IKZF3: variants seen among roughly 807,000 people sequenced by gnomAD.
The protein encoded by IKZF3 is zinc finger protein Aiolos.
IKZF3 carries 10 observed loss-of-function variants against 49.0 expected under a neutral mutation model. The observed-to-expected ratio is 0.20, with a 90% CI of 0.13 to 0.35. The LOEUF is 0.35. Ranked by LOEUF, IKZF3 falls within the 10% of genes least tolerant of loss-of-function variation. The probability of loss-of-function intolerance (pLI) is 1.00; values close to 1 mark genes in which losing one functional copy is unlikely to be tolerated. For missense variants in IKZF3, 498 were observed against 664.8 expected (o/e 0.75, Z 2.76); for synonymous variants, 209 against 228.2 (o/e 0.92, Z 0.76).
chr17:39,796,542 CTTT>C (rs1224946640), intron 3 of IKZF3, among the ~76,000 whole-genome samples: 11 of 134,996 alleles, frequency 8.1e-5, no homozygotes, highest in Non-Finnish European at 1.3e-4. Context: ...ACATTCCTTT[CTTT>C]TTTTTTTTTT....
At chr17:39,828,156 A>AAGTGTAACC (rs1192517283) in intron 3 of IKZF3, among the ~76,000 whole-genome samples, 12 of 152,216 alleles carry the variant, frequency 7.9e-5, no homozygotes, top group African/African-American at 2.7e-4. Flanking sequence ...TAAAGCAAGA[A>AAGTGTAACC]AGTGTAACCG....
Position 39,847,684 on chromosome 17 carries a change from A to G in IKZF3, c.8-15533T>C, listed in dbSNP as rs139287187. On this transcript the variant is annotated intron_variant, in intron 1 of 7. Transcript: ENST00000346872. ...ATCAAGCACTCAGCCTAATAGTGCA[A>G]TGAGATTTCTTTTTTTCTCATAACA... 1.8e-4 allele frequency among the ~76,000 whole-genome samples: 27 copies of G among 152,298 alleles called. No individual in the cohort carries two copies. In the East Asian group the frequency reaches 4.2e-3, roughly 24 times the overall value.
chr17:39,802,343 A>G (rs1292043891), intron 3 of IKZF3, among the ~76,000 whole-genome samples: 1 of 151,860 alleles, frequency 6.6e-6, no homozygotes, highest in Non-Finnish European at 1.5e-5. Context: ...GCAATAGCTT[A>G]CATCTGTAAC....
Position 39,813,104 on chromosome 17 carries a change from AAAATAAATAAATAAAT to A in IKZF3, c.163+16267_163+16282del, listed in dbSNP as rs142647769. Among the ~76,000 whole-genome samples the A allele has an allele frequency of 1.2e-3, 177 of 143,376 alleles. 3 individuals are homozygous for A. Among genetic ancestry groups the A allele is most frequent in the African/African-American group, 4.4e-3 (168 of 38,598 alleles). 94.1% of individuals were successfully genotyped at this position (143,376 alleles called of 152,430 possible). Reference sequence around the variant, plus strand: ...GCGACAGGGCAAGACTCCATCTCAAAAAATAAATAAATAAATAAATAAATAAATAAATAAAAAGAAT... The same window carrying A: ...GCGACAGGGCAAGACTCCATCTCAAAAAATAAATAAATAAATAAAAAGAAT... On this transcript the variant is annotated intron_variant, in intron 3 of 7. Coordinates refer to ENST00000346872, the MANE Select transcript of IKZF3 (RefSeq NM_012481.5).
rs2062051575 is a variant in IKZF3 at position 39,829,545 on chromosome 17, T to C, written c.62-57A>G. ...TTCAACGTTAAAGGATTTTTATAAATATATATTAAGTAGACCCCCATTTAA... is the reference window on the plus strand; with the variant it reads ...TTCAACGTTAAAGGATTTTTATAAACATATATTAAGTAGACCCCCATTTAA... On this transcript the variant is annotated intron_variant, in intron 2 of 7. Transcript: ENST00000346872. The C allele has an allele frequency of 7.1e-6, 9 of 1,272,712 alleles. No individual in the cohort carries two copies. The South Asian group carries it at 7.3e-5, about 10-fold the overall frequency. 78.8% of individuals were successfully genotyped at this position (1,272,712 alleles called of 1,614,324 possible). A position where few individuals can be genotyped will look rare whatever the true frequency, so the allele number is the denominator to read the frequency against.
At chr17:39,773,101 C>T (rs1411749707) in intron 7 of IKZF3, among the ~76,000 whole-genome samples, 2 of 152,192 alleles carry the variant, frequency 1.3e-5, no homozygotes, top group Non-Finnish European at 2.9e-5. Flanking sequence ...AGGTGTGAGC[C>T]ACTGCACCTG....
In IKZF3 at chr17:39,766,014, T is replaced by C; in HGVS notation, c.1306A>G (p.Arg436Gly). The C allele has an allele frequency of 6.2e-7, 1 of 1,614,220 alleles. No individual in the cohort carries two copies. Among genetic ancestry groups the C allele is most frequent in the South Asian group, 1.1e-5 (1 of 91,088 alleles). Reference sequence around the variant, plus strand: ...TTGTTGATCACTTTGACGGAGTCTCTTGGGCAGATGGGCGGGGGCTTGAGG... The same window carrying C: ...TTGTTGATCACTTTGACGGAGTCTCCTGGGCAGATGGGCGGGGGCTTGAGG... Reference protein sequence around the residue: ...ELLKPPPICPRDSVKVINKEG... With the variant: ...ELLKPPPICPGDSVKVINKEG... Residue 436 changes from arginine to glycine, a missense_variant, in exon 8 of 8, where the codon AGA becomes GGA. By Grantham distance (125) the Arg-to-Gly change is moderately radical. Coordinates refer to ENST00000346872, the MANE Select transcript of IKZF3 (RefSeq NM_012481.5).
intron 5 of IKZF3, 63 bp downstream of exon 5, chr17:39,791,353 T>A: frequency 6.4e-7 from 1 of 1,552,880 alleles, no homozygotes; most frequent in Non-Finnish European, 8.9e-7. Flanking sequence ...CTCTTTCTAG[T>A]TTCCACACTG....
At chr17:39,835,383 C>G (rs1055850017) in intron 1 of IKZF3, 6 of 480,740 alleles carry the variant, frequency 1.2e-5, no homozygotes, top group African/African-American at 1.2e-4. Flanking sequence ...CTTAATGGAC[C>G]GCTCCCCACA....
At chr17:39,811,510 G>A (rs2061561185) in intron 3 of IKZF3, among the ~76,000 whole-genome samples, 1 of 152,172 alleles carries the variant, frequency 6.6e-6, no homozygotes, top group South Asian at 2.1e-4. Flanking sequence ...AGTCTTCTAG[G>A]CAGATCAGTT....
chr17:39,812,326 A>G (rs910512606), intron 3 of IKZF3, among the ~76,000 whole-genome samples: 1 of 152,194 alleles, frequency 6.6e-6, no homozygotes, highest in Non-Finnish European at 1.5e-5. Context: ...CTTTGGGCTG[A>G]CAAATTACAA....
At position 39,759,145 on chromosome 17, in the gene IKZF3, G is replaced by T. The variant is rs1480910051; in HGVS notation, c.*6645C>A. 1.3e-5 allele frequency: 2 copies of T among 152,128 alleles called. No individual in the cohort carries two copies. The highest frequency in any genetic ancestry group is 2.9e-5 in the Non-Finnish European group (2 of 68,042). 9.4% of individuals were successfully genotyped at this position (152,128 alleles called of 1,614,324 possible). A position where few individuals can be genotyped will look rare whatever the true frequency, so the allele number is the denominator to read the frequency against. ...TAAGAAGAAACTCAGGCCAGCCGCG[G>T]TGCCTCACGCCTGTAACCCCAACAC... On this transcript the variant is annotated 3_prime_UTR_variant, in exon 8 of 8. Transcript: ENST00000346872.
chr17:39,840,585 C>A (rs2062437046), intron 1 of IKZF3, among the ~76,000 whole-genome samples: 1 of 152,040 alleles, frequency 6.6e-6, no homozygotes, highest in Non-Finnish European at 1.5e-5. Context: ...TTAAAATGGT[C>A]TATAATCAGG....
chr17:39,828,031 T>G (rs1231215198), intron 3 of IKZF3, among the ~76,000 whole-genome samples: 1 of 152,198 alleles, frequency 6.6e-6, no homozygotes, highest in East Asian at 1.9e-4. Flanking sequence ...ATTGGTGTGA[T>G]GACTATTCTT....
chr17:39,818,614 C>T (rs959939969), intron 3 of IKZF3, among the ~76,000 whole-genome samples: 1 of 152,088 alleles, frequency 6.6e-6, no homozygotes, highest in African/African-American at 2.4e-5. Flanking sequence ...CTTCGGGAGG[C>T]TGAGGTGGGC....
intron 3 of IKZF3, among the ~76,000 whole-genome samples, chr17:39,828,538 T>C (rs1290433301): frequency 1.3e-5 from 2 of 152,132 alleles, no homozygotes; most frequent in Non-Finnish European, 2.9e-5. Context: ...ATTAAACATG[T>C]GGAGGGGAGT....
chr17:39,802,115 G>A (rs748594214), intron 3 of IKZF3, among the ~76,000 whole-genome samples: 22 of 150,766 alleles, frequency 1.5e-4, no homozygotes, highest in Non-Finnish European at 1.0e-4. Context: ...CCAGCTACTC[G>A]GGAGGCTGAG....
intron 6 of IKZF3, among the ~76,000 whole-genome samples, chr17:39,786,054 A>C (rs1360899052): frequency 6.6e-6 from 1 of 152,140 alleles, no homozygotes; most frequent in African/African-American, 2.4e-5. Flanking sequence ...GAGCTAGAGG[A>C]AGGGGGAATA....
chr17:39,795,104 A>G (rs984290724), intron 3 of IKZF3, among the ~76,000 whole-genome samples: 1 of 152,246 alleles, frequency 6.6e-6, no homozygotes, highest in Non-Finnish European at 1.5e-5. Flanking sequence ...TTCTGAAAAC[A>G]GAGGACATAA....
Sources: allele counts gnomAD v4.1 joint callset (sites outside exome capture counted in the v4.1 genomes callset), GRCh38; gene constraint gnomAD v4.1.1; transcripts MANE v1.5; gene names NCBI Gene and HGNC (gene_info 2026-07-23, HGNC 2026-07-21).